The following MCPH1 variants were observed in gnomAD, a reference collection of about 807,000 sequenced individuals.
MCPH1 encodes the protein microcephalin 1, also known as microcephalin.
MCPH1 carries 104 observed loss-of-function variants against 84.5 expected under a neutral mutation model. That is an observed-to-expected ratio of 1.23 (90% CI 1.05 to 1.45). MCPH1 has a LOEUF of 1.45. Among genes scored for constraint, MCPH1 ranks in the 40% most tolerant of loss-of-function variants. The pLI is 0.00. For missense variants in MCPH1, 1,498 were observed against 1,005.7 expected, an observed-to-expected ratio of 1.49 and a Z score of -6.62; for synonymous variants, 514 against 366.8, an observed-to-expected ratio of 1.40 and a Z score of -4.58.
intron 9 of MCPH1, among the ~76,000 whole-genome samples, chr8:6,473,255 T>A (rs138924811): frequency 2.0e-4 from 30 of 151,960 alleles, no homozygotes; most frequent in Admixed American, 1.7e-3. Flanking sequence ...TATCCACTTA[T>A]ATTTCTTCAG....
At chr8:6,586,739 C>T (rs922862277) in intron 12 of MCPH1, among the ~76,000 whole-genome samples, 4 of 152,114 alleles carry the variant, frequency 2.6e-5, no homozygotes, top group Admixed American at 6.5e-5. Context: ...TTCTATGGGC[C>T]GCGGGAGCCC....
intron 11 of MCPH1, among the ~76,000 whole-genome samples, chr8:6,492,947 G>A (rs1420606212): frequency 6.6e-6 from 1 of 152,056 alleles, no homozygotes. Context: ...GCAGAGTCAA[G>A]TGCTTTTGCC....
chr8:6,637,260 T>G (rs1389165267), intron 13 of MCPH1, among the ~76,000 whole-genome samples: 1 of 152,226 alleles, frequency 6.6e-6, no homozygotes, highest in East Asian at 1.9e-4. Context: ...TTAAAAATCC[T>G]TCTGGTGGTA....
intron 12 of MCPH1, chr8:6,502,950 A>T: frequency 1.2e-6 from 1 of 818,988 alleles, no homozygotes; most frequent in South Asian, 1.9e-5. Flanking sequence ...TAAAGTTTAC[A>T]GGCTCTAATC....
At chr8:6,514,848 G>A in intron 12 of MCPH1, 2 of 1,363,214 alleles carry the variant, frequency 1.5e-6, no homozygotes, top group South Asian at 1.2e-5. Context: ...AGAAGCAGGA[G>A]GAATGTAGAC....
chr8:6,569,474 G>A (rs1485776256), intron 12 of MCPH1, among the ~76,000 whole-genome samples: 1 of 152,178 alleles, frequency 6.6e-6, no homozygotes, highest in African/African-American at 2.4e-5. Context: ...TGCGAGGAAG[G>A]ACAGTTCCAG....
chr8:6,639,200 CATGGGTAG>C (rs1380128443), intron 13 of MCPH1, among the ~76,000 whole-genome samples: 11 of 152,026 alleles, frequency 7.2e-5, no homozygotes, highest in African/African-American at 2.2e-4. Context: ...TAGACGGGTG[CATGGGTAG>C]ATGGGTAGAT....
At chr8:6,633,151 G>T (rs1378516310) in intron 13 of MCPH1, among the ~76,000 whole-genome samples, 1 of 152,000 alleles carries the variant, frequency 6.6e-6, no homozygotes, top group Non-Finnish European at 1.5e-5. Flanking sequence ...TCATGTACAA[G>T]ACACACATGA....
At chr8:6,564,390 A>T (rs2129576046) in intron 12 of MCPH1, among the ~76,000 whole-genome samples, 1 of 152,250 alleles carries the variant, frequency 6.6e-6, no homozygotes, top group East Asian at 1.9e-4. Context: ...TCCCTGTTTT[A>T]ATTAAGCTCT....
chr8:6,523,761 G>C (rs1817810057), intron 12 of MCPH1, among the ~76,000 whole-genome samples: 1 of 152,078 alleles, frequency 6.6e-6, no homozygotes, highest in Non-Finnish European at 1.5e-5. Flanking sequence ...CTAATTTTTT[G>C]TATTTTTAGT....
chr8:6,489,405 A>G (rs1246088674), intron 11 of MCPH1, among the ~76,000 whole-genome samples: 2 of 152,146 alleles, frequency 1.3e-5, no homozygotes, highest in Non-Finnish European at 2.9e-5. Context: ...GGACTGTCTC[A>G]GGAAGGAAGG....
chr8:6,436,257 G>C lies in MCPH1; in HGVS notation c.436+95G>C, dbSNP rs538364000. ...TAGTGGGGTTCAGCATGAGAGAGCT[G>C]ATGAAGACTATGATAGCTTTACTCT... On this transcript the variant is annotated intron_variant, in intron 5 of 13. Coordinates refer to ENST00000344683, the MANE Select transcript of MCPH1 (RefSeq NM_024596.5). 32 of 1,302,856 alleles carry C rather than the reference G, an allele frequency of 2.5e-5. No homozygotes were observed. In the East Asian group the frequency reaches 6.1e-4, roughly 25 times the overall value. The allele number at this position is 1,302,856 out of a possible 1,614,324, so 80.7% of individuals were successfully genotyped here. A position where few individuals can be genotyped will look rare whatever the true frequency, so the allele number is the denominator to read the frequency against.
At chr8:6,598,870 A>G (rs1829142717) in intron 12 of MCPH1, among the ~76,000 whole-genome samples, 1 of 152,270 alleles carries the variant, frequency 6.6e-6, no homozygotes, top group Non-Finnish European at 1.5e-5. Flanking sequence ...TGCAGAATGT[A>G]ACTTTCCAAA....
At chr8:6,529,690 C>T (rs1412112971) in intron 12 of MCPH1, among the ~76,000 whole-genome samples, 2 of 146,896 alleles carry the variant, frequency 1.4e-5, no homozygotes, top group Admixed American at 6.9e-5. Flanking sequence ...GTCTCGGACT[C>T]CTGATCTCAA....
At chr8:6,427,325 T>A (rs1308553704) in intron 3 of MCPH1, among the ~76,000 whole-genome samples, 1 of 152,130 alleles carries the variant, frequency 6.6e-6, no homozygotes, top group South Asian at 2.1e-4. Flanking sequence ...CGTCATACAG[T>A]TAGGTTACAC....
At chr8:6,580,164 C>T (rs1215165827) in intron 12 of MCPH1, among the ~76,000 whole-genome samples, 1 of 152,184 alleles carries the variant, frequency 6.6e-6, no homozygotes, top group East Asian at 1.9e-4. Flanking sequence ...CACCAAGGTT[C>T]TTGGGCTGGG....
chr8:6,579,005 G>C (rs1249973106), intron 12 of MCPH1, among the ~76,000 whole-genome samples: 1 of 152,194 alleles, frequency 6.6e-6, no homozygotes, highest in African/African-American at 2.4e-5. Context: ...GCATGATCTG[G>C]TCTGGGGATA....
At chr8:6,461,051 C>G (rs2515580) in intron 9 of MCPH1, among the ~76,000 whole-genome samples, 150,008 of 152,224 alleles carry the variant, frequency 0.99, 73,941 homozygotes, top group East Asian at 1. Flanking sequence ...AAGAGGCCAA[C>G]TCAAGAGAAA....
chr8:6,537,124 G>A (rs1480016683), intron 12 of MCPH1, among the ~76,000 whole-genome samples: 1 of 152,136 alleles, frequency 6.6e-6, no homozygotes, highest in Non-Finnish European at 1.5e-5. Flanking sequence ...ACCTCCCGTG[G>A]GAGGGGACCC....
Sources: gnomAD v4.1 joint callset for allele counts (sites outside exome capture counted in the v4.1 genomes callset) on GRCh38, gnomAD v4.1.1 for gene constraint, MANE v1.5 for transcripts, NCBI Gene and HGNC (gene_info 2026-07-23, HGNC 2026-07-21) for gene names.